Variants in LHFPL3 observed in about 807,000 individuals in gnomAD.
The protein encoded by LHFPL3 is LHFPL tetraspan subfamily member 3 protein.
A neutral mutation model predicts 19.3 loss-of-function variants in LHFPL3; 5 were observed. The ratio of observed to expected loss-of-function variants is 0.26; its 90% confidence interval spans 0.14 to 0.54. The LOEUF (loss-of-function observed/expected upper bound fraction) is 0.54. Ranked by LOEUF, LHFPL3 falls within the 20% of genes least tolerant of loss-of-function variation. The probability of loss-of-function intolerance (pLI) is 0.94; values close to 1 mark genes in which losing one functional copy is unlikely to be tolerated. For synonymous variants in LHFPL3, 133 were observed against 126.2 expected (o/e 1.05, Z -0.36); for missense variants, 249 against 307.4 (o/e 0.81, Z 1.42).
intron 1 of LHFPL3, among the ~76,000 whole-genome samples, chr7:104,423,126 A>G (rs554016550): frequency 4.3e-4 from 66 of 152,308 alleles, no homozygotes; most frequent in African/African-American, 1.6e-3. Flanking sequence ...GATGCATGTT[A>G]CAAGAGGGGA....
chr7:104,334,620 C>T (rs1010784461), intron 1 of LHFPL3, among the ~76,000 whole-genome samples: 19 of 152,324 alleles, frequency 1.2e-4, no homozygotes, highest in African/African-American at 4.3e-4. Flanking sequence ...ATACTCATTT[C>T]TCAGTGGTGT....
intron 1 of LHFPL3, among the ~76,000 whole-genome samples, chr7:104,448,193 C>T (rs975246629): frequency 3.3e-5 from 5 of 152,114 alleles, no homozygotes; most frequent in African/African-American, 9.7e-5. Context: ...AACTGGTAAA[C>T]ATTTTTGTCT....
intron 1 of LHFPL3, among the ~76,000 whole-genome samples, chr7:104,685,804 G>T (rs12531723): frequency 0.49 from 74,861 of 151,968 alleles, 18,869 homozygotes; most frequent in East Asian, 0.59. Flanking sequence ...TAGTGAAGTT[G>T]TAGGTGTTCT....
chr7:104,702,183 T>C (rs1162203997), intron 1 of LHFPL3, among the ~76,000 whole-genome samples: 3 of 152,168 alleles, frequency 2.0e-5, no homozygotes, highest in Non-Finnish European at 2.9e-5. Flanking sequence ...GCTTCATCCA[T>C]GTCCCTGTAA....
At chr7:104,334,405 G>C (rs895061470) in intron 1 of LHFPL3, among the ~76,000 whole-genome samples, 2 of 152,126 alleles carry the variant, frequency 1.3e-5, no homozygotes, top group African/African-American at 2.4e-5. Flanking sequence ...AAACTAGCCA[G>C]GTATGGTGGC....
intron 1 of LHFPL3, among the ~76,000 whole-genome samples, chr7:104,371,435 T>A (rs1790613427): frequency 6.6e-6 from 1 of 152,174 alleles, no homozygotes; most frequent in Non-Finnish European, 1.5e-5. Flanking sequence ...AACAGGCTAA[T>A]TCACGTGCAA....
chr7:104,331,639 A>G (rs1219115600), intron 1 of LHFPL3, among the ~76,000 whole-genome samples: 1 of 152,178 alleles, frequency 6.6e-6, no homozygotes, highest in Non-Finnish European at 1.5e-5. Flanking sequence ...AATATAAACT[A>G]TTGTAAGTTA....
chr7:104,756,568 C>G (rs1161319507), intron 2 of LHFPL3, among the ~76,000 whole-genome samples: 1 of 152,168 alleles, frequency 6.6e-6, no homozygotes, highest in Non-Finnish European at 1.5e-5. Context: ...GGTGCCCTCT[C>G]AGCTCACTGC....
intron 1 of LHFPL3, among the ~76,000 whole-genome samples, chr7:104,697,408 T>C (rs1040342608): frequency 3.9e-5 from 6 of 152,242 alleles, no homozygotes; most frequent in Admixed American, 6.5e-5. Context: ...TCACATAATG[T>C]ATATGTCACC....
intron 1 of LHFPL3, among the ~76,000 whole-genome samples, chr7:104,394,441 AT>A (rs1344193733): frequency 1.3e-5 from 2 of 152,166 alleles, no homozygotes; most frequent in African/African-American, 2.4e-5. Context: ...TTCTTTAAAA[AT>A]TTTTTTCATA....
chr7:104,461,397 G>C (rs952170906), intron 1 of LHFPL3, among the ~76,000 whole-genome samples: 1 of 152,090 alleles, frequency 6.6e-6, no homozygotes, highest in Non-Finnish European at 1.5e-5. Context: ...GTAAGGAAGG[G>C]GTCCAATTTC....
chr7:104,828,592 A>T (rs1790869925), intron 2 of LHFPL3, among the ~76,000 whole-genome samples: 1 of 151,938 alleles, frequency 6.6e-6, no homozygotes, highest in African/African-American at 2.4e-5. Flanking sequence ...GTGGAGGAGG[A>T]AGGCAGCAAA....
At chr7:104,790,037 T>G (rs923586110) in intron 2 of LHFPL3, among the ~76,000 whole-genome samples, 1 of 152,206 alleles carries the variant, frequency 6.6e-6, no homozygotes, top group Admixed American at 6.5e-5. Context: ...TAGGTTTCTG[T>G]ATTCAAAACT....
chr7:104,376,895 G>A (rs1790726356), intron 1 of LHFPL3, among the ~76,000 whole-genome samples: 1 of 152,076 alleles, frequency 6.6e-6, no homozygotes, highest in Non-Finnish European at 1.5e-5. Context: ...TAGGAGTCTT[G>A]CAAAGCAAAT....
intron 1 of LHFPL3, among the ~76,000 whole-genome samples, chr7:104,551,953 C>G (rs900796112): frequency 6.6e-6 from 1 of 152,148 alleles, no homozygotes; most frequent in Admixed American, 6.6e-5. Flanking sequence ...CTAAAACTTT[C>G]AGTGTTGCGG....
chr7:104,794,657 A>G (rs1031417916), intron 2 of LHFPL3, among the ~76,000 whole-genome samples: 2 of 152,240 alleles, frequency 1.3e-5, no homozygotes, highest in Non-Finnish European at 2.9e-5. Flanking sequence ...CTAATCAAGC[A>G]GTTCAGTGTT....
intron 1 of LHFPL3, among the ~76,000 whole-genome samples, chr7:104,675,680 G>A (rs1186419062): frequency 2.0e-5 from 3 of 152,164 alleles, no homozygotes; most frequent in Non-Finnish European, 4.4e-5. Flanking sequence ...TTTGAAGGCA[G>A]AGTAAACAGG....
At chr7:104,628,160 T>C (rs1008564229) in intron 1 of LHFPL3, among the ~76,000 whole-genome samples, 1 of 152,184 alleles carries the variant, frequency 6.6e-6, no homozygotes, top group Non-Finnish European at 1.5e-5. Context: ...TCATGTCCAC[T>C]GAAAATCAGA....
chr7:104,396,062 G>A (rs1054462010), intron 1 of LHFPL3, among the ~76,000 whole-genome samples: 2 of 152,116 alleles, frequency 1.3e-5, no homozygotes, highest in Non-Finnish European at 2.9e-5. Context: ...TCTTCATCCT[G>A]CCCACTCTGT....
Sources: gnomAD v4.1 joint callset for allele counts (sites outside exome capture counted in the v4.1 genomes callset) on GRCh38, gnomAD v4.1.1 for gene constraint, MANE v1.5 for transcripts, NCBI Gene and HGNC (gene_info 2026-07-23, HGNC 2026-07-21) for gene names.